Variants in DIAPH2 observed in about 807,000 individuals in gnomAD.
DIAPH2 encodes the protein diaphanous related formin 2, also known as protein diaphanous homolog 2.
In DIAPH2, 35 loss-of-function variants were observed where a neutral mutation model predicts 92.7. The ratio of observed to expected loss-of-function variants is 0.38; its 90% CI spans 0.29 to 0.50. The LOEUF (loss-of-function observed/expected upper bound fraction) is 0.50, where lower values mean the gene tolerates loss of function less well. Ranked by LOEUF, DIAPH2 falls within the 20% of genes least tolerant of loss-of-function variation. DIAPH2 has a pLI of 0.94. For missense variants in DIAPH2, 701 were observed against 819.5 expected, an observed-to-expected ratio of 0.86 and a Z score of 1.77; for synonymous variants, 301 against 280.4, an observed-to-expected ratio of 1.07 and a Z score of -0.73.
At chrX:97,461,405 A>G (rs1165859997) in intron 26 of DIAPH2, among the ~76,000 whole-genome samples, 1 of 111,441 alleles carries the variant, frequency 9.0e-6, no homozygotes, top group East Asian at 2.8e-4. Context: ...TTTTAAACAG[A>G]ACATAACAAA....
chrX:97,524,353 C>T (rs1041455779), intron 26 of DIAPH2, among the ~76,000 whole-genome samples: 7 of 112,162 alleles, frequency 6.2e-5, no homozygotes, highest in South Asian at 3.7e-4. Context: ...CAGACTGGAT[C>T]GTTACCATTA....
At chrX:97,528,267 A>T (rs1030921492) in intron 26 of DIAPH2, 1 of 112,042 alleles carries the variant, frequency 8.9e-6, no homozygotes. Flanking sequence ...GTAGGAAGAG[A>T]GTTATTTATT....
chrX:96,755,815 A>G (rs2064224963), intron 3 of DIAPH2, among the ~76,000 whole-genome samples: 1 of 110,371 alleles, frequency 9.1e-6, no homozygotes, highest in African/African-American at 3.3e-5. Flanking sequence ...CACATACCAT[A>G]AAATTCACCC....
At chrX:97,181,637 C>T (rs761449883) in intron 22 of DIAPH2, among the ~76,000 whole-genome samples, 320 of 111,219 alleles carry the variant, frequency 2.9e-3, no homozygotes, top group Admixed American at 4.8e-3. Context: ...CTTGAACTCC[C>T]GACCTCAGGT....
chrX:96,731,093 T>C (rs1455868865), intron 1 of DIAPH2, among the ~76,000 whole-genome samples: 1 of 110,986 alleles, frequency 9.0e-6, no homozygotes. Context: ...TTTTCACTTC[T>C]TTTGTGGTGG....
At chrX:97,269,694 AAATG>A (rs1422787186) in intron 23 of DIAPH2, among the ~76,000 whole-genome samples, 2 of 111,403 alleles carry the variant, frequency 1.8e-5, no homozygotes, top group African/African-American at 6.5e-5. Context: ...TACCAAAAAT[AAATG>A]AATGAATGAA....
intron 9 of DIAPH2, among the ~76,000 whole-genome samples, chrX:96,924,874 C>T (rs1405448269): frequency 3.6e-5 from 4 of 111,215 alleles, no homozygotes; most frequent in Non-Finnish European, 7.6e-5. Flanking sequence ...CACCTCCCAT[C>T]ATGCCCCTCC....
At chrX:97,242,968 A>G (rs1261460794) in intron 22 of DIAPH2, among the ~76,000 whole-genome samples, 1 of 107,411 alleles carries the variant, frequency 9.3e-6, no homozygotes, top group Non-Finnish European at 1.9e-5. Context: ...TTGTATTTTT[A>G]GTAGAGATGG....
At chrX:97,305,824 CAAA>C (rs754094514) in intron 23 of DIAPH2, among the ~76,000 whole-genome samples, 7 of 49,195 alleles carry the variant, frequency 1.4e-4, no homozygotes, top group Non-Finnish European at 1.2e-4. Context: ...ACTCCTTCTC[CAAA>C]AAAAAAAAAA....
At chrX:97,364,301 C>T (rs187967556) in intron 24 of DIAPH2, among the ~76,000 whole-genome samples, 140 of 111,783 alleles carry the variant, frequency 1.3e-3, no homozygotes, top group African/African-American at 4.3e-3. Flanking sequence ...ACCTCCCCTT[C>T]GACATGGATC....
chrX:96,989,815 T>C (rs1199289850), intron 17 of DIAPH2, among the ~76,000 whole-genome samples: 2 of 112,055 alleles, frequency 1.8e-5, no homozygotes, highest in African/African-American at 6.5e-5. Flanking sequence ...CTTCTGTTTA[T>C]GATGTTTATC....
intron 26 of DIAPH2, among the ~76,000 whole-genome samples, chrX:97,509,130 TC>T (rs2070861449): frequency 9.1e-6 from 1 of 109,652 alleles, no homozygotes; most frequent in African/African-American, 3.3e-5. Flanking sequence ...CACTGCAACC[TC>T]CGCCTCCCAG....
intron 22 of DIAPH2, among the ~76,000 whole-genome samples, chrX:97,178,965 A>C (rs1214490762): frequency 9.0e-6 from 1 of 111,280 alleles, no homozygotes; most frequent in Non-Finnish European, 1.9e-5. Context: ...CCCTCACTAG[A>C]TGTACAATCT....
At chrX:97,572,201 G>A (rs2071374733) in intron 26 of DIAPH2, among the ~76,000 whole-genome samples, 1 of 110,441 alleles carries the variant, frequency 9.1e-6, no homozygotes, top group South Asian at 3.9e-4. Flanking sequence ...GGGAGGCAAG[G>A]GGCAAGGGGG....
Position 97,484,974 on chromosome X carries a change from G to A in DIAPH2, c.3241+55229G>A, listed in dbSNP as rs146476841. ...CAAACTATTTTAAACTAAAGTAGTA[G>A]CACATGCTTACTGGCATAGAGCAGA... On this transcript the variant is annotated intron_variant, in intron 26 of 26. Transcript: ENST00000324765. Among the ~76,000 whole-genome samples the A allele has an allele frequency of 3.6e-4, 41 of 112,387 alleles. No individual in the cohort carries two copies. The East Asian group carries it at 0.01, about 28-fold the overall frequency.
chrX:97,296,739 G>A (rs906646296), intron 23 of DIAPH2, among the ~76,000 whole-genome samples: 2 of 110,413 alleles, frequency 1.8e-5, no homozygotes, highest in African/African-American at 6.6e-5. Context: ...TGAATTTGTA[G>A]CCTGGCCAGC....
At chrX:97,415,694 G>T (rs779927546) in intron 25 of DIAPH2, among the ~76,000 whole-genome samples, 1 of 105,659 alleles carries the variant, frequency 9.5e-6, no homozygotes, top group African/African-American at 3.5e-5. Flanking sequence ...CACACATGGG[G>T]GCGTGTTGTG....
At chrX:97,093,442 C>G (rs1323794902) in intron 19 of DIAPH2, among the ~76,000 whole-genome samples, 1 of 111,351 alleles carries the variant, frequency 9.0e-6, no homozygotes, top group Admixed American at 9.5e-5. Context: ...GGTACCCACC[C>G]GCGTCTGCCT....
rs1046805885 is a variant in DIAPH2, at chrX:96,881,494, A to G, written c.448-85A>G. The G allele has an allele frequency of 1.4e-5, 12 of 827,696 alleles. No individual in the cohort carries two copies. The African/African-American group carries it at 2.1e-4, about 14-fold the overall frequency. The allele number at this position is 827,696 out of a possible 1,213,427, so 68.2% of individuals were successfully genotyped here. A position where few individuals can be genotyped will look rare whatever the true frequency, so the allele number is the denominator to read the frequency against. On this transcript the variant is annotated intron_variant, in intron 4 of 26. Coordinates refer to ENST00000324765, the MANE Select transcript of DIAPH2 (RefSeq NM_006729.5). ...TGTAGCACTCTGCACACATTTTTATATAACAAAATAAATATTCTATGCATT... is the reference window on the plus strand; with the variant it reads ...TGTAGCACTCTGCACACATTTTTATGTAACAAAATAAATATTCTATGCATT...
Sources: gnomAD v4.1 joint callset for allele counts (sites outside exome capture counted in the v4.1 genomes callset) on GRCh38, gnomAD v4.1.1 for gene constraint, MANE v1.5 for transcripts, NCBI Gene and HGNC (gene_info 2026-07-23, HGNC 2026-07-21) for gene names.